The following NELL1 variants were observed in gnomAD, a reference collection of about 807,000 sequenced individuals.
NELL1 encodes neural EGFL like 1, also known as protein kinase C-binding protein NELL1.
In NELL1, 76 loss-of-function variants were observed where a neutral mutation model predicts 107.4. The observed-to-expected ratio is 0.71, with a 90% CI of 0.59 to 0.86. The LOEUF (loss-of-function observed/expected upper bound fraction) is 0.86. NELL1 is among the 40% of genes least tolerant of loss of function. The pLI, the probability that NELL1 is intolerant of heterozygous loss-of-function variation, is 0.00. For synonymous variants in NELL1, 353 were observed against 341.2 expected, an observed-to-expected ratio of 1.03 and a Z score of -0.38; for missense variants, 1,024 against 1,005.5, an observed-to-expected ratio of 1.02 and a Z score of -0.25.
At chr11:21,528,522 CT>C (rs1554929484) in intron 15 of NELL1, among the ~76,000 whole-genome samples, 7 of 113,156 alleles carry the variant, frequency 6.2e-5, no homozygotes, top group African/African-American at 2.0e-4. Flanking sequence ...CCCCCCCCCC[CT>C]TTTTTTTTTT....
chr11:20,691,646 G>A (rs1854469531), intron 2 of NELL1, among the ~76,000 whole-genome samples: 1 of 151,942 alleles, frequency 6.6e-6, no homozygotes, highest in African/African-American at 2.4e-5. Flanking sequence ...ACTTGATCAT[G>A]GTGGATAAGC....
At chr11:21,025,697 T>C (rs898566002) in intron 12 of NELL1, among the ~76,000 whole-genome samples, 14 of 152,124 alleles carry the variant, frequency 9.2e-5, no homozygotes, top group African/African-American at 3.4e-4. Flanking sequence ...TTAGATAGCA[T>C]CTATGTAGAA....
At chr11:21,271,711 T>C (rs186362525) in intron 14 of NELL1, among the ~76,000 whole-genome samples, 1 of 152,306 alleles carries the variant, frequency 6.6e-6, no homozygotes, top group African/African-American at 2.4e-5. Context: ...TGAACATAGA[T>C]GCAAAAATTC....
intron 14 of NELL1, among the ~76,000 whole-genome samples, chr11:21,345,042 C>T (rs12292118): frequency 0.37 from 56,164 of 151,996 alleles, 10,412 homozygotes; most frequent in East Asian, 0.44. Context: ...TCAGAGTTAA[C>T]ACTGGGATTT....
intron 15 of NELL1, among the ~76,000 whole-genome samples, chr11:21,529,154 C>T (rs1279151175): frequency 6.6e-6 from 1 of 152,114 alleles, no homozygotes. Context: ...CATAGCCTTG[C>T]AGGAAGCCAG....
At chr11:20,928,178 T>C (rs1217355901) in intron 8 of NELL1, among the ~76,000 whole-genome samples, 199 bp from the exon 9 acceptor site, 2 of 152,190 alleles carry the variant, frequency 1.3e-5, no homozygotes, top group Non-Finnish European at 2.9e-5. Flanking sequence ...CAGTGATGTA[T>C]TTCAGAAAAG....
At chr11:21,397,849 G>T (rs1852014835) in intron 15 of NELL1, among the ~76,000 whole-genome samples, 1 of 151,340 alleles carries the variant, frequency 6.6e-6, no homozygotes, top group African/African-American at 2.4e-5. Flanking sequence ...TATATTAGAG[G>T]CCCAAGGGAG....
chr11:21,564,953 G>A (rs1016929179), intron 17 of NELL1, among the ~76,000 whole-genome samples: 2 of 151,906 alleles, frequency 1.3e-5, no homozygotes, highest in African/African-American at 2.4e-5. Context: ...AAGGAGGAAA[G>A]AATCTGATCC....
intron 14 of NELL1, among the ~76,000 whole-genome samples, chr11:21,294,787 T>C (rs1014781123): frequency 2.0e-5 from 3 of 152,002 alleles, no homozygotes; most frequent in African/African-American, 7.2e-5. Flanking sequence ...GTTTGTACAT[T>C]GTGAATTTTC....
chr11:20,697,968 G>T (rs928118416), intron 2 of NELL1, among the ~76,000 whole-genome samples: 2 of 152,110 alleles, frequency 1.3e-5, no homozygotes, highest in Admixed American at 6.6e-5. Context: ...GTTAAATGCC[G>T]ATCTTCCAGA....
chr11:21,078,495 G>A (rs1350065771), intron 12 of NELL1, among the ~76,000 whole-genome samples: 2 of 152,044 alleles, frequency 1.3e-5, no homozygotes, highest in East Asian at 3.9e-4. Context: ...TAAATCTAAA[G>A]AGAAAAATGT....
chr11:20,741,517 T>C (rs1455227211), intron 2 of NELL1, among the ~76,000 whole-genome samples: 1 of 152,178 alleles, frequency 6.6e-6, no homozygotes, highest in Non-Finnish European at 1.5e-5. Context: ...CTGATTAGGA[T>C]AAAAAGGGCA....
chr11:21,191,829 T>C (rs11825177), intron 13 of NELL1, among the ~76,000 whole-genome samples: 9,503 of 151,984 alleles, frequency 0.063, 1,210 homozygotes, highest in African/African-American at 0.22. Flanking sequence ...CTTATAAAGT[T>C]GATGTGAAAA....
At chr11:21,406,108 G>A (rs1307741099) in intron 15 of NELL1, among the ~76,000 whole-genome samples, 1 of 151,974 alleles carries the variant, frequency 6.6e-6, no homozygotes, top group African/African-American at 2.4e-5. Context: ...TGTAAAGGAA[G>A]CTAATCTTCA....
At chr11:20,814,169 C>T (rs900005331) in intron 3 of NELL1, among the ~76,000 whole-genome samples, 16 of 151,794 alleles carry the variant, frequency 1.1e-4, no homozygotes, top group South Asian at 2.1e-4. Flanking sequence ...CTAATTTTTG[C>T]ATTTTTAGTA....
intron 13 of NELL1, among the ~76,000 whole-genome samples, chr11:21,198,632 G>T (rs1485010807): frequency 6.6e-6 from 1 of 152,156 alleles, no homozygotes; most frequent in Admixed American, 6.5e-5. Context: ...TATAAACGGG[G>T]TTATTTGCTC....
intron 16 of NELL1, among the ~76,000 whole-genome samples, chr11:21,551,543 C>T (rs1856584155): frequency 6.6e-6 from 1 of 151,430 alleles, no homozygotes; most frequent in Non-Finnish European, 1.5e-5. Flanking sequence ...AAAATGCTCA[C>T]CATCACTGGC....
chr11:20,803,686 A>G (rs977054965), intron 3 of NELL1, among the ~76,000 whole-genome samples: 2 of 152,004 alleles, frequency 1.3e-5, no homozygotes, highest in Admixed American at 1.3e-4. Context: ...GTTGGTTTTG[A>G]TGGTTAATAC....
At chr11:21,494,870 A>G (rs1190102683) in intron 15 of NELL1, among the ~76,000 whole-genome samples, 2 of 152,014 alleles carry the variant, frequency 1.3e-5, no homozygotes, top group Admixed American at 6.6e-5. Context: ...TTCTCCCATC[A>G]TACATCAATA....
Sources: allele counts gnomAD v4.1 joint callset (sites outside exome capture counted in the v4.1 genomes callset), GRCh38; gene constraint gnomAD v4.1.1; transcripts MANE v1.5; gene names NCBI Gene and HGNC (gene_info 2026-07-23, HGNC 2026-07-21).